Variants in MAPK8 observed in about 807,000 individuals in gnomAD.
The protein encoded by MAPK8 is JUN N-terminal kinase.
Under a neutral mutation model 52.9 loss-of-function variants are expected in MAPK8, and 13 were observed. That is an observed-to-expected ratio of 0.25 (90% CI 0.16 to 0.39). The LOEUF (loss-of-function observed/expected upper bound fraction) is 0.39. Among genes scored for constraint, MAPK8 ranks in the 10% least tolerant of loss-of-function variants. The pLI, the probability that MAPK8 is intolerant of heterozygous loss-of-function variation, is 1.00. For synonymous variants in MAPK8, 191 were observed against 169.8 expected, an observed-to-expected ratio of 1.12 and a Z score of -0.97; for missense variants, 300 against 519.2, an observed-to-expected ratio of 0.58 and a Z score of 4.10.
Position 48,437,519 on chromosome 10 carries a change from G to C in MAPK8, c.*2490G>C, listed in dbSNP as rs1462940364. The C allele has an allele frequency of 6.6e-6, 1 of 152,110 alleles. No individual in the cohort carries two copies. The highest frequency in any genetic ancestry group is 1.5e-5 in the Non-Finnish European group (1 of 68,028). 9.4% of individuals were successfully genotyped at this position (152,110 alleles called of 1,614,324 possible). ...GACCAAGATTTTTATTATCTTCATAGATTCAGAAAGAGATGCTAATTCTGT... is the reference window on the plus strand; with the variant it reads ...GACCAAGATTTTTATTATCTTCATACATTCAGAAAGAGATGCTAATTCTGT... On this transcript the variant is annotated 3_prime_UTR_variant, in exon 12 of 12. Coordinates refer to ENST00000374189, the MANE Select transcript of MAPK8 (RefSeq NM_001323329.2).
intron 1 of MAPK8, among the ~76,000 whole-genome samples, chr10:48,329,229 C>G (rs1843860410): frequency 1.3e-5 from 2 of 152,166 alleles, no homozygotes; most frequent in East Asian, 1.9e-4. Flanking sequence ...TGTGCTGCCC[C>G]TCTTTCCTCT....
At chr10:48,367,056 T>G (rs1848117578) in intron 1 of MAPK8, among the ~76,000 whole-genome samples, 1 of 152,174 alleles carries the variant, frequency 6.6e-6, no homozygotes, top group Non-Finnish European at 1.5e-5. Context: ...ATCATGGTTA[T>G]TTGTGCACCC....
intron 1 of MAPK8, among the ~76,000 whole-genome samples, chr10:48,340,194 T>TA: frequency 6.6e-6 from 1 of 152,302 alleles, no homozygotes; most frequent in East Asian, 1.9e-4. Flanking sequence ...ATGTGGTACA[T>TA]ATGCACCATG....
chr10:48,401,761 C>T lies in MAPK8; in HGVS notation c.101C>T (p.Ser34Leu). 3.3e-6 allele frequency: 5 copies of T among 1,532,640 alleles called. No homozygotes were observed. The highest frequency in any genetic ancestry group is 4.4e-6 in the Non-Finnish European group (5 of 1,146,264). 94.9% of individuals were successfully genotyped at this position (1,532,640 alleles called of 1,614,324 possible). The change falls in exon 2 of 12, where the codon TCA becomes TTA. Residue 34 changes from serine (S) to leucine (L), a missense_variant. Around this residue, in one of 3 missense-constraint regions of MAPK8, gnomAD observed 147 missense variants for 328.1 expected, o/e 0.45. Coordinates refer to ENST00000374189, the MANE Select transcript of MAPK8 (RefSeq NM_001323329.2). ...TATCAGAATTTAAAACCTATAGGCTCAGGAGCTCAAGGAATAGTATGGTAA... is the reference window on the plus strand; with the variant it reads ...TATCAGAATTTAAAACCTATAGGCTTAGGAGCTCAAGGAATAGTATGGTAA... ...KRYQNLKPIG[S>L]GAQGIVCAAY...
chr10:48,348,398 C>T (rs1258510099), intron 1 of MAPK8, among the ~76,000 whole-genome samples: 5 of 152,122 alleles, frequency 3.3e-5, no homozygotes, highest in Non-Finnish European at 7.4e-5. Context: ...TTAATTAGAT[C>T]CCATTTGTCA....
chr10:48,381,499 A>G (rs1208734760), intron 1 of MAPK8, among the ~76,000 whole-genome samples: 1 of 152,124 alleles, frequency 6.6e-6, no homozygotes, highest in Non-Finnish European at 1.5e-5. Flanking sequence ...AGTAGTTCTA[A>G]TTTCAAGTGA....
At chr10:48,355,965 AAG>A (rs1362132613) in intron 1 of MAPK8, among the ~76,000 whole-genome samples, 2 of 152,204 alleles carry the variant, frequency 1.3e-5, no homozygotes, top group Non-Finnish European at 2.9e-5. Flanking sequence ...ATTTTATACT[AAG>A]AGAATAAATC....
At chr10:48,425,036 T>A in intron 7 of MAPK8, 1 of 603,414 alleles carries the variant, frequency 1.7e-6, no homozygotes, top group South Asian at 2.2e-5. Context: ...GACCCTTTCA[T>A]CTGAGAATTT....
intron 1 of MAPK8, among the ~76,000 whole-genome samples, chr10:48,358,760 T>G (rs1172507063): frequency 6.6e-6 from 1 of 152,222 alleles, no homozygotes; most frequent in African/African-American, 2.4e-5. Flanking sequence ...ATATTAGGTC[T>G]TTGATCCATT....
At chr10:48,396,743 T>C (rs1273930182) in intron 1 of MAPK8, among the ~76,000 whole-genome samples, 2 of 152,236 alleles carry the variant, frequency 1.3e-5, no homozygotes, top group African/African-American at 4.8e-5. Flanking sequence ...GCTATTGATA[T>C]ACCAACACCT....
At chr10:48,429,534 CTAGT>C (rs2044001490) in intron 10 of MAPK8, among the ~76,000 whole-genome samples, 1 of 152,206 alleles carries the variant, frequency 6.6e-6, no homozygotes, top group Non-Finnish European at 1.5e-5. Context: ...ATGGCTTTGC[CTAGT>C]TAGTGCTCCT....
In MAPK8 at chr10:48,437,956, C is replaced by CA. The variant is rs1215673665; in HGVS notation, c.*2928dup. 6.6e-6 allele frequency: 1 copy of CA among 152,250 alleles called. No individual in the cohort carries two copies. Among genetic ancestry groups the CA allele is most frequent in the Non-Finnish European group, 1.5e-5 (1 of 68,056 alleles). 9.4% of individuals were successfully genotyped at this position (152,250 alleles called of 1,614,324 possible). On this transcript the variant is annotated 3_prime_UTR_variant, in exon 12 of 12. Transcript: ENST00000374189. ...CATCAGTGTCTGATAGTGAAATCAT[C>CA]AGCAGGAAAGTGAAGCTCTTTCCTT...
intron 1 of MAPK8, among the ~76,000 whole-genome samples, chr10:48,329,448 A>C (rs1843884013): frequency 6.6e-6 from 1 of 151,752 alleles, no homozygotes; most frequent in Non-Finnish European, 1.5e-5. Flanking sequence ...CTTTGCTGCA[A>C]CTCTGGCCAT....
At chr10:48,428,993 GT>G (rs111540494) in intron 10 of MAPK8, among the ~76,000 whole-genome samples, 30 of 138,594 alleles carry the variant, frequency 2.2e-4, no homozygotes, top group South Asian at 1.8e-3. Flanking sequence ...GGCTAATTTT[GT>G]TTTTTTTTTT....
In MAPK8 at chr10:48,373,446, T is replaced by G. The variant is rs371255252; in HGVS notation, c.-49-28166T>G. 4.0e-5 allele frequency among the ~76,000 whole-genome samples: 6 copies of G among 151,864 alleles called. No homozygotes were observed. The South Asian group carries it at 1.0e-3, about 26-fold the overall frequency. On this transcript the variant is annotated intron_variant, in intron 1 of 11. Transcript: ENST00000374189. The stretch of plus-strand genomic sequence containing the variant: ...CATTAAAAGACACAGACTCACAGAC[T>G]GGCAAATTCGTTAAAGAGTCAAGAC...
At chr10:48,333,578 G>T (rs983034859) in intron 1 of MAPK8, among the ~76,000 whole-genome samples, 2 of 152,240 alleles carry the variant, frequency 1.3e-5, no homozygotes, top group African/African-American at 4.8e-5. Context: ...TGAGGGCCTG[G>T]TTTAGCTCTT....
At chr10:48,366,175 T>A (rs1194064058) in intron 1 of MAPK8, among the ~76,000 whole-genome samples, 1 of 152,000 alleles carries the variant, frequency 6.6e-6, no homozygotes, top group Non-Finnish European at 1.5e-5. Flanking sequence ...ATTTTTTTTA[T>A]GAGTATTTTT....
intron 1 of MAPK8, among the ~76,000 whole-genome samples, chr10:48,356,473 A>G (rs79683533): frequency 1.3e-5 from 2 of 152,226 alleles, no homozygotes; most frequent in South Asian, 2.1e-4. Context: ...TATAAATCCA[A>G]ATATATCATT....
chr10:48,401,245 A>G (rs537553667), intron 1 of MAPK8, among the ~76,000 whole-genome samples: 1 of 152,270 alleles, frequency 6.6e-6, no homozygotes. Context: ...TTTATTCTCT[A>G]TAATAAGCAC....
Sources: allele counts gnomAD v4.1 joint callset (sites outside exome capture counted in the v4.1 genomes callset), GRCh38; gene constraint gnomAD v4.1.1; regional missense constraint gnomAD v4.1.1; transcripts MANE v1.5; gene names NCBI Gene and HGNC (gene_info 2026-07-23, HGNC 2026-07-21).